FHIT: variants seen among roughly 807,000 people sequenced by gnomAD.
The protein encoded by FHIT is fragile histidine triad diadenosine triphosphatase.
FHIT carries 19 observed loss-of-function variants against 17.9 expected under a neutral mutation model. That is an observed-to-expected ratio of 1.06 (90% CI 0.74 to 1.56). FHIT has a LOEUF of 1.56. Among genes scored for constraint, FHIT ranks in the 40% most tolerant of loss-of-function variants. FHIT has a pLI of 0.00. For missense variants in FHIT, 248 were observed against 189.2 expected (o/e 1.31, Z -1.82); for synonymous variants, 81 against 69.7 (o/e 1.16, Z -0.81).
chr3:61,020,596 G>GA (rs2032366920), intron 3 of FHIT, among the ~76,000 whole-genome samples: 1 of 152,216 alleles, frequency 6.6e-6, no homozygotes, highest in African/African-American at 2.4e-5. Context: ...TCAACACTAT[G>GA]AAAAAACTGC....
At chr3:60,472,526 G>A (rs939437599) in intron 5 of FHIT, among the ~76,000 whole-genome samples, 20 of 151,752 alleles carry the variant, frequency 1.3e-4, no homozygotes, top group Admixed American at 6.6e-5. Context: ...CTGCCACCTC[G>A]CCGGGCTAAT....
At chr3:61,059,120 T>G (rs953918125) in intron 2 of FHIT, among the ~76,000 whole-genome samples, 1 of 152,220 alleles carries the variant, frequency 6.6e-6, no homozygotes, top group Non-Finnish European at 1.5e-5. Flanking sequence ...CCTAAGCTAC[T>G]ATTTGTTATG....
intron 5 of FHIT, among the ~76,000 whole-genome samples, chr3:60,371,940 C>A (rs1569353): frequency 0.25 from 36,965 of 150,706 alleles, 5,885 homozygotes; most frequent in Non-Finnish European, 0.36. Context: ...ATTTTCCCAA[C>A]AGAATCTTCA....
intron 3 of FHIT, among the ~76,000 whole-genome samples, chr3:60,832,432 G>A (rs1183553142): frequency 6.6e-6 from 1 of 152,016 alleles, no homozygotes; most frequent in Non-Finnish European, 1.5e-5. Flanking sequence ...TCCTTGCCAT[G>A]CCCAATGTCT....
At chr3:60,114,250 A>T (rs1704843813) in intron 5 of FHIT, among the ~76,000 whole-genome samples, 2 of 150,308 alleles carry the variant, frequency 1.3e-5, no homozygotes, top group African/African-American at 4.9e-5. Flanking sequence ...TAGCTTGATC[A>T]AGTTTATATA....
At chr3:60,893,967 T>C (rs1160650786) in intron 3 of FHIT, among the ~76,000 whole-genome samples, 1 of 152,212 alleles carries the variant, frequency 6.6e-6, no homozygotes, top group Admixed American at 6.5e-5. Flanking sequence ...TCTAGAATAA[T>C]GGGAAAGGTT....
intron 3 of FHIT, among the ~76,000 whole-genome samples, chr3:60,853,269 C>T (rs1383046226): frequency 6.6e-6 from 1 of 152,052 alleles, no homozygotes; most frequent in Non-Finnish European, 1.5e-5. Flanking sequence ...GCAGCTTTTT[C>T]TTCTAAATAA....
intron 2 of FHIT, among the ~76,000 whole-genome samples, chr3:61,167,363 G>A (rs2037869316): frequency 6.6e-6 from 1 of 151,878 alleles, no homozygotes; most frequent in Non-Finnish European, 1.5e-5. Context: ...GGGGCTGGGT[G>A]CTGTGGCTCA....
intron 8 of FHIT, among the ~76,000 whole-genome samples, chr3:59,874,353 C>G (rs542063957): frequency 4.0e-4 from 61 of 152,296 alleles, no homozygotes; most frequent in African/African-American, 1.4e-3. Context: ...AAAATTGATC[C>G]ATAATTTCGA....
intron 4 of FHIT, among the ~76,000 whole-genome samples, chr3:60,792,794 G>A (rs1553728933): frequency 1.3e-5 from 2 of 150,826 alleles, no homozygotes; most frequent in East Asian, 3.9e-4. Flanking sequence ...ACAGCCATTA[G>A]TAATTCCATC....
At chr3:61,055,816 G>A (rs748492810) in intron 2 of FHIT, among the ~76,000 whole-genome samples, 6 of 152,158 alleles carry the variant, frequency 3.9e-5, no homozygotes, top group Non-Finnish European at 7.3e-5. Flanking sequence ...GTAGGCTTAA[G>A]TGGGGGTATT....
intron 5 of FHIT, among the ~76,000 whole-genome samples, chr3:60,183,772 A>G (rs576359069): frequency 1.6e-4 from 24 of 152,270 alleles, no homozygotes; most frequent in East Asian, 1.5e-3. Context: ...CTAAGAAAAA[A>G]TATTTCCTAC....
At chr3:60,528,017 A>AG (rs1229360224) in intron 5 of FHIT, among the ~76,000 whole-genome samples, 1 of 152,250 alleles carries the variant, frequency 6.6e-6, no homozygotes, top group Non-Finnish European at 1.5e-5. Flanking sequence ...TCTGCAGCCC[A>AG]GGCTAGAGTG....
At chr3:60,682,368 C>G (rs1283328602) in intron 4 of FHIT, among the ~76,000 whole-genome samples, 2 of 152,172 alleles carry the variant, frequency 1.3e-5, no homozygotes, top group Non-Finnish European at 2.9e-5. Flanking sequence ...TACCTGGCTT[C>G]AAATCTTCAA....
intron 3 of FHIT, among the ~76,000 whole-genome samples, chr3:61,029,020 G>T (rs1038270824): frequency 3.9e-5 from 6 of 152,116 alleles, no homozygotes; most frequent in Non-Finnish European, 8.8e-5. Flanking sequence ...CTAGACCAAG[G>T]CTCTTCCAGA....
intron 3 of FHIT, among the ~76,000 whole-genome samples, chr3:60,919,978 G>A (rs1162176682): frequency 2.6e-5 from 4 of 151,446 alleles, no homozygotes; most frequent in Non-Finnish European, 4.4e-5. Flanking sequence ...AGGTTGCAGT[G>A]AGCCGAGATT....
At chr3:60,349,016 C>T (rs890772172) in intron 5 of FHIT, among the ~76,000 whole-genome samples, 1 of 152,158 alleles carries the variant, frequency 6.6e-6, no homozygotes, top group Non-Finnish European at 1.5e-5. Context: ...GAGAAATAAA[C>T]ATGTGTAGTA....
rs2033636355 is a variant in FHIT, at chr3:60,482,167, T to A, written c.103+54693A>T. On this transcript the variant is annotated intron_variant, in intron 5 of 9. Coordinates refer to ENST00000492590, the MANE Select transcript of FHIT (RefSeq NM_002012.4). ...TGCAACCAATACAGAAGCACTGAGA[T>A]TCATAAAACAAGTTCTTACAGACCT... 2.0e-5 allele frequency among the ~76,000 whole-genome samples: 3 copies of A among 152,064 alleles called. No homozygotes were observed. The South Asian group carries it at 6.2e-4, about 32-fold the overall frequency.
chr3:61,182,472 G>T (rs1414465138), intron 2 of FHIT, among the ~76,000 whole-genome samples: 1 of 152,042 alleles, frequency 6.6e-6, no homozygotes, highest in Non-Finnish European at 1.5e-5. Context: ...AATGTCACTG[G>T]TATACATATT....
Sources: allele counts gnomAD v4.1 joint callset (sites outside exome capture counted in the v4.1 genomes callset), GRCh38; gene constraint gnomAD v4.1.1; transcripts MANE v1.5; gene names NCBI Gene and HGNC (gene_info 2026-07-23, HGNC 2026-07-21).